Variants in STK3 observed in about 807,000 individuals in gnomAD.
STK3 encodes the protein serine/threonine kinase 3.
STK3 carries 41 observed loss-of-function variants against 58.0 expected under a neutral mutation model. The ratio of observed to expected loss-of-function variants is 0.71; its 90% CI spans 0.55 to 0.92. STK3 has a LOEUF of 0.92. Among genes scored for constraint, STK3 ranks in the 40% least tolerant of loss-of-function variants. The pLI is 0.00. For synonymous variants in STK3, 170 were observed against 191.0 expected (o/e 0.89, Z 0.91); for missense variants, 479 against 602.7 (o/e 0.79, Z 2.15).
At chr8:98,345,208 A>G in the STK3 span, among the ~76,000 whole-genome samples, 1 of 152,136 alleles carries the variant, frequency 6.6e-6, no homozygotes, top group East Asian at 1.9e-4. Context: ...TAATCTAGCA[A>G]TGTATGTCCC....
Position 98,901,627 on chromosome 8 carries a change from A to G in STK3, c.-78-17793T>C, listed in dbSNP as rs923377831. Among the ~76,000 whole-genome samples the G allele has an allele frequency of 2.0e-5, 3 of 152,242 alleles. No homozygotes were observed. The South Asian group carries it at 6.2e-4, about 32-fold the overall frequency. On this transcript the variant is annotated intron_variant, in intron 1 of 1. Coordinates refer to the STK3 transcript ENST00000519420. Reference sequence around the variant, plus strand: ...GGTAGCTCACAGGGCAGATCTGGTCACTGCTGGGATGTGTGGGCTGTGCCC... The same window carrying G: ...GGTAGCTCACAGGGCAGATCTGGTCGCTGCTGGGATGTGTGGGCTGTGCCC...
intron 6 of STK3, among the ~76,000 whole-genome samples, chr8:98,600,497 C>G (rs1332443141): frequency 6.6e-6 from 1 of 152,122 alleles, no homozygotes; most frequent in East Asian, 1.9e-4. Context: ...AGTAAGCTAG[C>G]TTATTCAAGA....
At chr8:98,595,332 C>T (rs189721589) in intron 7 of STK3, 18 of 149,740 alleles carry the variant, frequency 1.2e-4, no homozygotes, top group Non-Finnish European at 2.1e-4. Context: ...GTTCTTTTAA[C>T]CCAATGGTTC....
intron 10 of STK3, among the ~76,000 whole-genome samples, chr8:98,476,684 T>C (rs185130781): frequency 3.9e-4 from 60 of 152,344 alleles, no homozygotes; most frequent in Middle Eastern, 3.4e-3. Flanking sequence ...GTTAATGATA[T>C]GAATAATAGA....
At chr8:98,834,185 A>G (rs1835662943) in intron 3 of STK3, among the ~76,000 whole-genome samples, 1 of 152,248 alleles carries the variant, frequency 6.6e-6, no homozygotes, top group Non-Finnish European at 1.5e-5. Context: ...AACAATGTAT[A>G]GCAAATCAAT....
chr8:98,854,531 C>T (rs1192740012), intron 3 of STK3, among the ~76,000 whole-genome samples: 2 of 152,006 alleles, frequency 1.3e-5, no homozygotes, highest in Non-Finnish European at 2.9e-5. Context: ...TTCAGCAATG[C>T]TGCAGGATAC....
intron 1 of STK3, among the ~76,000 whole-genome samples, chr8:98,927,389 CCAGT>C (rs1306233431): frequency 6.6e-6 from 1 of 152,136 alleles, no homozygotes; most frequent in Admixed American, 6.5e-5. Context: ...TCAGATCTGG[CCAGT>C]CAGATTCCTT....
At chr8:98,563,424 CGT>C (rs1563743736) in intron 8 of STK3, among the ~76,000 whole-genome samples, 8 of 152,106 alleles carry the variant, frequency 5.3e-5, no homozygotes, top group Non-Finnish European at 1.2e-4. Flanking sequence ...CACACACACA[CGT>C]GCCTACATAT....
In STK3 at chr8:98,498,354, T is replaced by A. The variant is rs1425140878; in HGVS notation, c.1317+28388A>T. ...TCAGTAAGTTGCTAATGAGAAGAGA[T>A]CCCAGAAGCTAGTTCCTGTGTTCCA... On this transcript the variant is annotated intron_variant, in intron 10 of 10. Coordinates refer to ENST00000419617, the MANE Select transcript of STK3 (RefSeq NM_006281.4). Among the ~76,000 whole-genome samples the A allele has an allele frequency of 4.6e-5, 7 of 151,966 alleles. No individual in the cohort carries two copies. In the East Asian group the frequency reaches 1.2e-3, roughly 25 times the overall value.
chr8:98,486,310 C>T (rs4130753), intron 10 of STK3, among the ~76,000 whole-genome samples: 70,134 of 152,020 alleles, frequency 0.46, 16,364 homozygotes, highest in Admixed American at 0.55. Flanking sequence ...AAGAATAAAA[C>T]GTAGCCCCAA....
chr8:98,916,457 G>T (rs1839353154), intron 1 of STK3, among the ~76,000 whole-genome samples: 1 of 152,108 alleles, frequency 6.6e-6, no homozygotes, highest in South Asian at 2.1e-4. Context: ...AACCACTTCA[G>T]CTTCTAGCGT....
In STK3 at chr8:98,903,554, TTCC is replaced by T. The variant is rs376198598; in HGVS notation, c.-78-19723_-78-19721del. Among the ~76,000 whole-genome samples, 80 of 11,508 alleles carry T rather than the reference TTCC, an allele frequency of 7.0e-3. 4 individuals are homozygous for T. The highest frequency in any genetic ancestry group is 0.048 in the East Asian group (12 of 248). The allele number at this position is 11,508 out of a possible 152,430, so 7.5% of individuals were successfully genotyped here. ...CTTCTTCTTCTTCTTCTTCTTCTTC[TTCC>T]TTTTTTTTTTTTTAAGTGGGGCCTT... On this transcript the variant is annotated intron_variant, in intron 1 of 1. Transcript: ENST00000519420.
chr8:98,925,581 A>G (rs1839757899), intron 1 of STK3, among the ~76,000 whole-genome samples: 2 of 152,222 alleles, frequency 1.3e-5, no homozygotes, highest in African/African-American at 4.8e-5. Flanking sequence ...CAATGTCAGG[A>G]ATAAAAACTC....
chr8:98,545,216 C>T (rs1457134586), intron 9 of STK3, among the ~76,000 whole-genome samples: 1 of 152,198 alleles, frequency 6.6e-6, no homozygotes, highest in African/African-American at 2.4e-5. Flanking sequence ...CCAACTGGCA[C>T]AGACTAGTAT....
At position 98,605,583 on chromosome 8, in the gene STK3, G is replaced by A. The variant is rs148798652; in HGVS notation, c.685-9414C>T. Among the ~76,000 whole-genome samples, 1,037 of 151,946 alleles carry A rather than the reference G, an allele frequency of 6.8e-3. 8 individuals carry two copies. The highest frequency in any genetic ancestry group is 0.023 in the African/African-American group (966 of 41,414). ...TCTTACTTCCTCCCTCTCTGTCTTC[G>A]CCCTGCCCCCAGCTATCCGTCTATA... On this transcript the variant is annotated intron_variant, in intron 6 of 10. Coordinates refer to ENST00000419617, the MANE Select transcript of STK3 (RefSeq NM_006281.4).
At chr8:98,492,466 T>G (rs1482257987) in intron 10 of STK3, among the ~76,000 whole-genome samples, 2 of 152,032 alleles carry the variant, frequency 1.3e-5, no homozygotes, top group Non-Finnish European at 2.9e-5. Context: ...AGAAGAGGTG[T>G]GAAATTGGAG....
At chr8:98,840,017 A>G (rs1179177190) in intron 3 of STK3, among the ~76,000 whole-genome samples, 1 of 152,172 alleles carries the variant, frequency 6.6e-6, no homozygotes, top group Non-Finnish European at 1.5e-5. Context: ...TGCTTAGTAA[A>G]TGGAAATTAT....
At chr8:98,591,613 C>T (rs1261225607) in intron 7 of STK3, among the ~76,000 whole-genome samples, 1 of 152,130 alleles carries the variant, frequency 6.6e-6, no homozygotes, top group African/African-American at 2.4e-5. Flanking sequence ...TGATCAAAAC[C>T]ATGTCTGCAG....
intron 10 of STK3, among the ~76,000 whole-genome samples, chr8:98,502,489 T>C (rs561860102): frequency 6.6e-5 from 10 of 152,346 alleles, no homozygotes; most frequent in African/African-American, 1.7e-4. Context: ...GTGCAAGTTT[T>C]CAAAGGGAAT....
Sources: gnomAD v4.1 joint callset for allele counts (sites outside exome capture counted in the v4.1 genomes callset) on GRCh38, gnomAD v4.1.1 for gene constraint, MANE v1.5 for transcripts, NCBI Gene and HGNC (gene_info 2026-07-23, HGNC 2026-07-21) for gene names.